Variants in UTP20 observed in about 807,000 individuals in gnomAD.
UTP20 encodes small subunit processome component 20 homolog.
Under a neutral mutation model 329.5 loss-of-function variants are expected in UTP20, and 164 were observed. The observed-to-expected ratio is 0.50, with a 90% CI of 0.44 to 0.57. The LOEUF (loss-of-function observed/expected upper bound fraction) is 0.57. Ranked by LOEUF, UTP20 falls within the 20% of genes least tolerant of loss-of-function variation. The pLI is 0.00. For missense variants in UTP20, 3,055 were observed against 3,284.2 expected (o/e 0.93, Z 1.71); for synonymous variants, 1,151 against 1,159.3 (o/e 0.99, Z 0.14).
rs1021092123 is a variant in UTP20, at chr12:101,361,904, A to G, written c.5692-58A>G. The stretch of plus-strand genomic sequence containing the variant: ...CTCTTTGCAGTGCTTCCTAGATCTT[A>G]TGTTTTCCTAGTGTGACATTGTTAA... On this transcript the variant is annotated intron_variant, in intron 43 of 61. Coordinates refer to ENST00000261637, the MANE Select transcript of UTP20 (RefSeq NM_014503.3). The G allele has an allele frequency of 6.6e-6, 9 of 1,359,004 alleles. No individual in the cohort carries two copies. In the African/African-American group the frequency reaches 1.3e-4, roughly 20 times the overall value. The allele number at this position is 1,359,004 out of a possible 1,614,324, so 84.2% of individuals were successfully genotyped here.
intron 40 of UTP20, 64 bp from the exon 41 acceptor site, chr12:101,354,768 C>T (rs1239162671): frequency 3.9e-6 from 6 of 1,520,552 alleles, no homozygotes; most frequent in Non-Finnish European, 5.3e-6. Context: ...GGAAAAACTG[C>T]TTACCACAAC....
chr12:101,320,103 T>C (rs1177729146), intron 23 of UTP20, among the ~76,000 whole-genome samples: 1 of 152,220 alleles, frequency 6.6e-6, no homozygotes, highest in African/African-American at 2.4e-5. Context: ...GAAGTAAGCA[T>C]TGGATGTAAT....
In UTP20 at chr12:101,352,137, T is replaced by C. The variant is rs767941739; in HGVS notation, c.4967T>C (p.Leu1656Ser). 16 of 1,613,850 alleles carry C rather than the reference T, an allele frequency of 9.9e-6. No homozygotes were observed. The highest frequency in any genetic ancestry group is 1.4e-5 in the Non-Finnish European group (16 of 1,179,996). ...TCTTGGTCAGCGTATATGTATTACT[T>C]GAAACATTTCATTCATGTCTTACAA... ...HLSWSAYMYY[L>S]KHFIHVLQTG... The change falls in exon 39 of 62, where the codon TTG becomes TCG. Residue 1656 changes from leucine (L) to serine (S), a missense_variant. Leu to Ser is a moderately radical substitution (Grantham distance 145). This residue lies in a region of UTP20 where 2,445 missense variants were observed against 2,575.5 expected (regional missense o/e 0.95). Coordinates refer to ENST00000261637, the MANE Select transcript of UTP20 (RefSeq NM_014503.3).
chr12:101,308,221 A>T lies in UTP20; in HGVS notation c.2032A>T (p.Ile678Leu), dbSNP rs781367733. 7.4e-6 allele frequency: 12 copies of T among 1,612,778 alleles called. No homozygotes were observed. In the Admixed American group the frequency reaches 1.7e-4, roughly 22 times the overall value. ...CTCAGAGCGGCAGTCTGTCTTTGCTATATTACGCCAGGCAGAACTTGTTCC... is the reference window on the plus strand; with the variant it reads ...CTCAGAGCGGCAGTCTGTCTTTGCTTTATTACGCCAGGCAGAACTTGTTCC... ...GLSERQSVFA[I>L]LRQAELVPAT... The change falls in exon 18 of 62, where the codon ATA becomes TTA. Residue 678 changes from isoleucine (I) to leucine (L), a missense_variant. This residue lies in a region of UTP20 where 2,445 missense variants were observed against 2,575.5 expected (regional missense o/e 0.95). Coordinates refer to ENST00000261637, the MANE Select transcript of UTP20 (RefSeq NM_014503.3).
In UTP20 at chr12:101,366,707, T is replaced by G. The variant is rs751075589; in HGVS notation, c.6267+8T>G. ...ATTGAGTCCGGGCTTCGGGTAAGAATTAACCTTAAAATGAGACTTGCTACT... is the reference window on the plus strand; with the variant it reads ...ATTGAGTCCGGGCTTCGGGTAAGAAGTAACCTTAAAATGAGACTTGCTACT... On this transcript the variant is annotated splice_region_variant and intron_variant, in intron 47 of 61. Transcript: ENST00000261637. The G allele has an allele frequency of 1.8e-5, 29 of 1,611,972 alleles. No homozygotes were observed. The highest frequency in any genetic ancestry group is 2.5e-5 in the Non-Finnish European group (29 of 1,178,902).
At chr12:101,342,176 A>G (rs191290189) in intron 32 of UTP20, among the ~76,000 whole-genome samples, 12 of 152,174 alleles carry the variant, frequency 7.9e-5, no homozygotes, top group African/African-American at 2.4e-4. Flanking sequence ...ATTTTCTTGT[A>G]TCTTTTTTGA....
chr12:101,384,745 A>G (rs1362316344), intron 60 of UTP20, among the ~76,000 whole-genome samples: 1 of 152,182 alleles, frequency 6.6e-6, no homozygotes. Context: ...AAATAAAACA[A>G]ATGAAGCAAA....
intron 47 of UTP20, 68 bp downstream of exon 47, chr12:101,366,767 A>G: frequency 6.5e-7 from 1 of 1,549,388 alleles, no homozygotes; most frequent in Non-Finnish European, 8.7e-7. Context: ...CTTCTGTTGA[A>G]TTTCTAGTAC....
intron 45 of UTP20, 50 bp from the exon 46 acceptor site, chr12:101,365,409 A>G: frequency 2.8e-6 from 4 of 1,407,064 alleles, no homozygotes; most frequent in Non-Finnish European, 3.8e-6. Context: ...ATGACAAATC[A>G]AAATGCATTT....
Position 101,385,980 on chromosome 12 carries a change from C to T in UTP20, c.8215C>T (p.Pro2739Ser). 6.3e-7 allele frequency: 1 copy of T among 1,585,506 alleles called. No homozygotes were observed. The highest frequency in any genetic ancestry group is 8.6e-7 in the Non-Finnish European group (1 of 1,164,624). ...TTCTCTTTTCCAGTTTGTAACTAAT[C>T]CTGATATTGCTGCCAAGAAAAAAAT... ...KRKALEFVTN[P>S]DIAAKKKMKK... Residue 2739 changes from proline to serine, a missense_variant, in exon 62 of 62, where the codon CCT becomes TCT. By Grantham distance (74) the Pro-to-Ser change is moderately conservative. Transcript: ENST00000261637.
chr12:101,373,540 T>C (rs1038163796), intron 53 of UTP20, 45 bp from the exon 54 acceptor site: 1 of 1,612,900 alleles, frequency 6.2e-7, no homozygotes, highest in Non-Finnish European at 8.5e-7. Context: ...AGAGCATCTG[T>C]AGGAATTCCA....
At chr12:101,354,388 C>G (rs74925975) in intron 40 of UTP20, among the ~76,000 whole-genome samples, 2,821 of 152,106 alleles carry the variant, frequency 0.019, 52 homozygotes, top group African/African-American at 0.049. Flanking sequence ...TCATTTCAGC[C>G]TATACCAGCT....
chr12:101,362,387 A>G (rs1474159958), intron 44 of UTP20, among the ~76,000 whole-genome samples: 1 of 152,232 alleles, frequency 6.6e-6, no homozygotes, highest in Non-Finnish European at 1.5e-5. Flanking sequence ...TTTATTTATA[A>G]TACAGTCGGA....
intron 16 of UTP20, among the ~76,000 whole-genome samples, chr12:101,306,269 T>C (rs1446026391): frequency 6.6e-6 from 1 of 152,076 alleles, no homozygotes; most frequent in Non-Finnish European, 1.5e-5. Flanking sequence ...TCTGGGTCCC[T>C]ACCCTCAAAG....
chr12:101,306,743 G>A lies in UTP20; in HGVS notation c.1977G>A (p.Gln659=). The A allele has an allele frequency of 6.2e-7, 1 of 1,605,106 alleles. No individual in the cohort carries two copies. The change falls in exon 17 of 62, where the codon CAG becomes CAA. Residue 659 remains glutamine, a synonymous_variant. Transcript: ENST00000261637. ...TIRILNHFDV[Q]LPESMEDDGL... is the part of the protein sequence containing the mutation. ...GGATCCTAAACCATTTTGATGTCCA[G>A]CTTCCAGAATCAATGGAGGTATTTT...
intron 46 of UTP20, 123 bp downstream of exon 46, chr12:101,365,748 T>C (rs750513284): frequency 7.1e-6 from 5 of 701,452 alleles, no homozygotes; most frequent in Non-Finnish European, 1.1e-5. Flanking sequence ...TCTCAGATGG[T>C]ACTTTATGGT....
chr12:101,334,193 TA>T (rs1272043559), intron 28 of UTP20, among the ~76,000 whole-genome samples: 2 of 152,360 alleles, frequency 1.3e-5, no homozygotes, highest in East Asian at 3.9e-4. Flanking sequence ...AAACCTAAAA[TA>T]CCATTTCCTT....
chr12:101,291,906 T>G lies in UTP20; in HGVS notation c.1038+18T>G. On this transcript the variant is annotated intron_variant, in intron 9 of 61. Transcript: ENST00000261637. ...TCTGTAAGGTGAGTTCCCAACTTAATATGCTCGAGAGTCTGGTTTTTAAAA... is the reference window on the plus strand; with the variant it reads ...TCTGTAAGGTGAGTTCCCAACTTAAGATGCTCGAGAGTCTGGTTTTTAAAA... 2 of 1,608,356 alleles carry G rather than the reference T, an allele frequency of 1.2e-6. No individual in the cohort carries two copies. The highest frequency in any genetic ancestry group is 1.1e-5 in the South Asian group (1 of 89,560).
rs1868358082 is a variant in UTP20 at position 101,320,957 on chromosome 12, A to G, written c.2915+20A>G. ...TTACAGGTAAGTTACTTGAAGCTTA[A>G]AGAACTGTTATTTCTTCAGCTGATT... On this transcript the variant is annotated intron_variant, in intron 24 of 61. Transcript: ENST00000261637. 6.3e-7 allele frequency: 1 copy of G among 1,580,894 alleles called. No homozygotes were observed. The highest frequency in any genetic ancestry group is 2.3e-5 in the East Asian group (1 of 44,362).
Sources: allele counts gnomAD v4.1 joint callset (sites outside exome capture counted in the v4.1 genomes callset), GRCh38; gene constraint gnomAD v4.1.1; regional missense constraint gnomAD v4.1.1; transcripts MANE v1.5; gene names NCBI Gene and HGNC (gene_info 2026-07-23, HGNC 2026-07-21).